Variants in GPKOW observed in about 807,000 individuals in gnomAD.
GPKOW encodes the protein G-patch domain and KOW motifs.
For synonymous variants in GPKOW, 167 were observed against 159.1 expected (o/e 1.05, Z -0.37); for missense variants, 359 against 404.7 (o/e 0.89, Z 0.97).
Position 49,113,631 on chromosome X carries a change from T to C in GPKOW, c.1421A>G (p.Asp474Gly). Residue 474 changes from aspartate to glycine, a missense_variant, in exon 11 of 11, where the codon GAT becomes GGT. By Grantham distance (94) the Asp-to-Gly change is moderately conservative. Coordinates refer to ENST00000156109, the MANE Select transcript of GPKOW (RefSeq NM_015698.6). ...ICQYMGPSDT[D>G]DD Reference sequence around the variant, plus strand: ...GAGGAGTCCCATGGGTCAGTCATCATCTGTGTCACTAGGGCCCATGTACTG... The same window carrying C: ...GAGGAGTCCCATGGGTCAGTCATCACCTGTGTCACTAGGGCCCATGTACTG... 1.7e-6 allele frequency: 2 copies of C among 1,210,238 alleles called. No homozygotes were observed. Among genetic ancestry groups the C allele is most frequent in the Non-Finnish European group, 2.2e-6 (2 of 894,279 alleles).
chrX:49,116,108 T>G, intron 7 of GPKOW, 94 bp from the exon 8 acceptor site: 1 of 1,138,850 alleles, frequency 8.8e-7, no homozygotes, highest in Non-Finnish European at 1.2e-6. Flanking sequence ...CCACCCACAA[T>G]GCAGTTCCCC....
intron 9 of GPKOW, among the ~76,000 whole-genome samples, chrX:49,114,238 C>G (rs1466448443): frequency 3.6e-5 from 4 of 110,847 alleles, no homozygotes; most frequent in African/African-American, 1.3e-4. Context: ...CTCCTGGGTT[C>G]AAACGATTCT....
intron 5 of GPKOW, 90 bp from the exon 6 acceptor site, chrX:49,117,252 G>T: frequency 1.0e-6 from 1 of 968,735 alleles, no homozygotes; most frequent in Non-Finnish European, 1.4e-6. Flanking sequence ...CCTCTAAGAG[G>T]CCTGCTTCCT....
At chrX:49,118,314 A>T (rs781970379) in intron 4 of GPKOW, among the ~76,000 whole-genome samples, 1 of 112,079 alleles carries the variant, frequency 8.9e-6, no homozygotes, top group Admixed American at 9.5e-5. Flanking sequence ...CAACCTAATA[A>T]CATGCTGCAT....
At chrX:49,119,892 C>T (rs1449654558) in intron 3 of GPKOW, 78 bp from the exon 4 acceptor site, 4 of 559,280 alleles carry the variant, frequency 7.2e-6, no homozygotes, top group African/African-American at 2.3e-5. Context: ...TTGCTGCCCC[C>T]CACTGGGAGA....
Position 49,123,640 on chromosome X carries a change from G to A in GPKOW, c.83C>T (p.Ala28Val), listed in dbSNP as rs1557091460. The change falls in exon 1 of 11, where the codon GCA becomes GTA. Residue 28 changes from alanine to valine, a missense_variant. Transcript: ENST00000156109. The stretch of plus-strand genomic sequence containing the variant: ...TCCCGAGTCGGCCAGCCGCCTCCGT[G>A]CGGACGTGCGAGTGAAGCCGAATGA... ...PISFGFTRTS[A>V]RRRLADSGDG... is the part of the protein sequence containing the mutation. The A allele has an allele frequency of 1.7e-6, 2 of 1,208,692 alleles. No homozygotes were observed. The highest frequency in any genetic ancestry group is 2.2e-6 in the Non-Finnish European group (2 of 894,141).
At chrX:49,118,765 A>G (rs1182365394) in intron 4 of GPKOW, among the ~76,000 whole-genome samples, 3 of 100,545 alleles carry the variant, frequency 3.0e-5, no homozygotes, top group African/African-American at 1.1e-4. Flanking sequence ...AAAAAAAAAA[A>G]ACGCCAATTC....
chrX:49,118,738 C>CAAAAAAA (rs781915104), intron 4 of GPKOW, among the ~76,000 whole-genome samples: 1 of 6,834 alleles, frequency 1.5e-4, no homozygotes, highest in Non-Finnish European at 2.7e-4. Context: ...GACTCCATCT[C>CAAAAAAA]AAAAAAAAAA....
chrX:49,117,530 C>A, intron 5 of GPKOW, 67 bp downstream of exon 5: 1 of 792,622 alleles, frequency 1.3e-6, no homozygotes, highest in Non-Finnish European at 1.9e-6. Context: ...ATTATTCCTC[C>A]ATCTGACCCT....
At chrX:49,119,387 G>A (rs933078359) in intron 4 of GPKOW, among the ~76,000 whole-genome samples, 11 of 111,487 alleles carry the variant, frequency 9.9e-5, no homozygotes, top group African/African-American at 3.6e-4. Context: ...GGGATTACAG[G>A]CATGAGCCAC....
rs782684969 is a variant in GPKOW, at chrX:49,117,613, C to T, written c.764G>A (p.Arg255Gln). 2.2e-5 allele frequency: 27 copies of T among 1,203,044 alleles called. No individual in the cohort carries two copies. Among genetic ancestry groups the T allele is most frequent in the Non-Finnish European group, 2.9e-5 (26 of 888,791 alleles). The change falls in exon 5 of 11, where the codon CGA (arginine) becomes CAA (glutamine). Residue 255 changes from arginine (R) to glutamine (Q), a missense_variant. Coordinates refer to ENST00000156109, the MANE Select transcript of GPKOW (RefSeq NM_015698.6). ...GTTCCTTACCTTCCCATAGAGGCCT[C>T]GGTGAGGGCCAGAAAGAACCACCAC... ...GAVVVLSGPH[R>Q]GLYGKVEGLD... is the part of the protein sequence containing the mutation.
intron 4 of GPKOW, among the ~76,000 whole-genome samples, chrX:49,118,824 G>A (rs181402520): frequency 9.4e-6 from 1 of 106,266 alleles, no homozygotes; most frequent in East Asian, 2.9e-4. Context: ...TTGGTTTTCA[G>A]AATTATTGAG....
rs782438056 is a variant in GPKOW, at chrX:49,116,699, C to T, written c.913+331G>A. ...TAGAATTCCTTCCTTCTTGGTCACA[C>T]CCTAATCCTAGCAGTTCTCACTCCC... On this transcript the variant is annotated intron_variant, in intron 6 of 10. Transcript: ENST00000156109. Among the ~76,000 whole-genome samples, 6 of 111,749 alleles carry T rather than the reference C, an allele frequency of 5.4e-5. No homozygotes were observed. The South Asian group carries it at 2.2e-3, about 41-fold the overall frequency.
chrX:49,117,500 GCCTT>G (rs2065197538), intron 5 of GPKOW, 93 bp downstream of exon 5: 2 of 643,738 alleles, frequency 3.1e-6, no homozygotes, highest in Non-Finnish European at 5.0e-6. Context: ...AGGAGTCCCA[GCCTT>G]TCTACCTCAA....
chrX:49,117,841 G>C, intron 4 of GPKOW, 31 bp from the exon 5 acceptor site: 1 of 950,938 alleles, frequency 1.1e-6, no homozygotes, highest in Non-Finnish European at 1.5e-6. Flanking sequence ...TTGTTGGAGA[G>C]GATGCAACAG....
Position 49,117,693 on chromosome X carries a change from C to T in GPKOW, c.684G>A (p.Glu228=). 8.3e-7 allele frequency: 1 copy of T among 1,209,229 alleles called. No individual in the cohort carries two copies. The part of the protein sequence containing the change: ...TGPSRMPRPD[E]EQEKDKEDQP... ...GATCTTCCTTATCTTTCTCTTGCTC[C>T]TCATCTGGTCTTGGCATGCGGGAGG... The change falls in exon 5 of 11, where the codon GAG becomes GAA. Residue 228 remains glutamate (E), a synonymous_variant. Transcript: ENST00000156109.
rs956083847 is a variant in GPKOW, at chrX:49,115,407, T to C, written c.1210+319A>G. Among the ~76,000 whole-genome samples the C allele has an allele frequency of 1.8e-4, 19 of 103,354 alleles. No homozygotes were observed. In the East Asian group the frequency reaches 5.2e-3, roughly 28 times the overall value. The allele number at this position is 103,354 out of a possible 115,157, so 89.8% of individuals were successfully genotyped here. A position where few individuals can be genotyped will look rare whatever the true frequency, so the allele number is the denominator to read the frequency against. On this transcript the variant is annotated intron_variant, in intron 9 of 10. Transcript: ENST00000156109. ...CTGTAATCCCAGCTACTCGGGAGGC[T>C]GAGGCAGGAAAATCGCTTGAACCTG...
chrX:49,119,589 G>A, intron 4 of GPKOW, 116 bp downstream of exon 4: 1 of 447,826 alleles, frequency 2.2e-6, no homozygotes, highest in East Asian at 3.9e-5. Context: ...GAATTAGTTA[G>A]GGCGATAATG....
intron 9 of GPKOW, among the ~76,000 whole-genome samples, chrX:49,115,014 C>T (rs1180791759): frequency 1.9e-5 from 2 of 107,918 alleles, no homozygotes; most frequent in African/African-American, 6.8e-5. Context: ...ATGGGAGTCC[C>T]GCCACATCCA....
Sources: gnomAD v4.1 joint callset for allele counts (sites outside exome capture counted in the v4.1 genomes callset) on GRCh38, gnomAD v4.1.1 for gene constraint, MANE v1.5 for transcripts, NCBI Gene and HGNC (gene_info 2026-07-23, HGNC 2026-07-21) for gene names.